CCDC60: variants seen among roughly 807,000 people sequenced by gnomAD.
CCDC60 encodes coiled-coil domain containing 60.
CCDC60 carries 54 observed loss-of-function variants against 63.5 expected under a neutral mutation model. The observed-to-expected ratio is 0.85, with a 90% CI of 0.68 to 1.07. CCDC60 has a LOEUF of 1.07. CCDC60 is among the 50% of genes least tolerant of loss of function. CCDC60 has a pLI of 0.00. For missense variants in CCDC60, 651 were observed against 684.3 expected (o/e 0.95, Z 0.54); for synonymous variants, 206 against 238.8 (o/e 0.86, Z 1.27).
chr12:119,450,624 C>T (rs868114736), intron 2 of CCDC60, among the ~76,000 whole-genome samples: 2 of 152,072 alleles, frequency 1.3e-5, no homozygotes, highest in African/African-American at 4.8e-5. Flanking sequence ...TTTGGGAGGC[C>T]GAGGTGGGCG....
At chr12:119,350,783 T>C (rs1287856117) in intron 1 of CCDC60, among the ~76,000 whole-genome samples, 1 of 152,162 alleles carries the variant, frequency 6.6e-6, no homozygotes, top group Non-Finnish European at 1.5e-5. Flanking sequence ...TTTTCAGAAG[T>C]CCACCCCATT....
intron 7 of CCDC60, among the ~76,000 whole-genome samples, chr12:119,515,703 G>C (rs998548209): frequency 6.6e-6 from 1 of 152,198 alleles, no homozygotes; most frequent in African/African-American, 2.4e-5. Context: ...GGGAGCTAGA[G>C]AGCAGTCGCC....
intron 1 of CCDC60, among the ~76,000 whole-genome samples, chr12:119,400,652 C>T (rs1430181691): frequency 6.6e-6 from 1 of 152,218 alleles, no homozygotes; most frequent in Non-Finnish European, 1.5e-5. Context: ...AGTGGAGATT[C>T]CTTGGTCCAC....
intron 1 of CCDC60, among the ~76,000 whole-genome samples, chr12:119,355,380 C>G (rs79383809): frequency 2.0e-4 from 31 of 152,344 alleles, no homozygotes; most frequent in African/African-American, 6.3e-4. Context: ...TAACTCTGTG[C>G]GGTTCCACAG....
chr12:119,378,316 G>A (rs986010385), intron 1 of CCDC60, among the ~76,000 whole-genome samples: 1 of 152,100 alleles, frequency 6.6e-6, no homozygotes, highest in Non-Finnish European at 1.5e-5. Flanking sequence ...GCATTCACCC[G>A]TGCAAGCTTC....
intron 1 of CCDC60, among the ~76,000 whole-genome samples, chr12:119,396,341 T>C (rs1956254374): frequency 6.6e-6 from 1 of 152,170 alleles, no homozygotes; most frequent in African/African-American, 2.4e-5. Context: ...ACATATAAGG[T>C]CCCATTCTGG....
At chr12:119,502,644 A>C (rs1951883617) in intron 6 of CCDC60, among the ~76,000 whole-genome samples, 1 of 152,204 alleles carries the variant, frequency 6.6e-6, no homozygotes, top group African/African-American at 2.4e-5. Context: ...ATTTTAATTA[A>C]TGGCAACTTT....
intron 6 of CCDC60, among the ~76,000 whole-genome samples, 197 bp from the exon 7 acceptor site, chr12:119,504,872 G>A (rs771588281): frequency 1.3e-5 from 2 of 152,018 alleles, no homozygotes; most frequent in African/African-American, 2.4e-5. Flanking sequence ...ACATTATCTC[G>A]ATTTGTGACA....
intron 5 of CCDC60, 31 bp downstream of exon 5, chr12:119,488,897 C>T: frequency 6.5e-7 from 1 of 1,546,042 alleles, no homozygotes; most frequent in Non-Finnish European, 8.9e-7. Context: ...TTGTCTTAGA[C>T]TAGCAGTAGG....
chr12:119,475,729 C>G lies in CCDC60; in HGVS notation c.342-3365C>G, dbSNP rs549252494. ...CCTGTACCTCTCTGAGTCTCCTTTT[C>G]TTCACGTACATAAATAAATGGTACC... On this transcript the variant is annotated intron_variant, in intron 3 of 13. Transcript: ENST00000327554. 1.2e-4 allele frequency among the ~76,000 whole-genome samples: 19 copies of G among 152,258 alleles called. No homozygotes were observed. The East Asian group carries it at 3.7e-3, about 29-fold the overall frequency.
intron 7 of CCDC60, among the ~76,000 whole-genome samples, chr12:119,510,449 C>T (rs1214000174): frequency 6.6e-6 from 1 of 152,156 alleles, no homozygotes; most frequent in African/African-American, 2.4e-5. Flanking sequence ...TCTGTGAAGC[C>T]TTCTCTGATT....
chr12:119,377,951 G>A lies in CCDC60; in HGVS notation c.90+42685G>A, dbSNP rs183098477. Among the ~76,000 whole-genome samples the A allele has an allele frequency of 6.6e-5, 10 of 152,330 alleles. No individual in the cohort carries two copies. In the East Asian group the frequency reaches 1.7e-3, roughly 26 times the overall value. On this transcript the variant is annotated intron_variant, in intron 1 of 13. Coordinates refer to ENST00000327554, the MANE Select transcript of CCDC60 (RefSeq NM_178499.5). ...GTTTAAGAGCAGAGGTTTCATAGGC[G>A]AAAGAAAGAGAAAAGAGAATAGCTC...
chr12:119,365,842 G>A (rs922287943), intron 1 of CCDC60, among the ~76,000 whole-genome samples: 13 of 152,164 alleles, frequency 8.5e-5, no homozygotes, highest in African/African-American at 1.9e-4. Context: ...AGACACACAG[G>A]CAGGTGCCTA....
At chr12:119,381,563 A>T (rs1457631097) in intron 1 of CCDC60, among the ~76,000 whole-genome samples, 1 of 152,164 alleles carries the variant, frequency 6.6e-6, no homozygotes, top group African/African-American at 2.4e-5. Context: ...TGATACTCAG[A>T]CTCAGTGGTA....
At chr12:119,500,660 C>A (rs1211009182) in intron 6 of CCDC60, among the ~76,000 whole-genome samples, 1 of 151,616 alleles carries the variant, frequency 6.6e-6, no homozygotes, top group African/African-American at 2.4e-5. Flanking sequence ...TTGAGACGAG[C>A]CTGGGCAACA....
intron 2 of CCDC60, chr12:119,429,605 C>T (rs1956960891): frequency 6.6e-6 from 1 of 152,398 alleles, no homozygotes; most frequent in East Asian, 1.9e-4. Context: ...GAGACACCCT[C>T]TCCCTTCACC....
chr12:119,498,781 C>G (rs1047350637), intron 5 of CCDC60, among the ~76,000 whole-genome samples: 1 of 152,172 alleles, frequency 6.6e-6, no homozygotes, highest in Admixed American at 6.5e-5. Context: ...TATATATGGA[C>G]AGAGAGATTG....
Position 119,516,448 on chromosome 12 carries a change from T to G in CCDC60, c.884-175T>G, listed in dbSNP as rs190525043. Among the ~76,000 whole-genome samples the G allele has an allele frequency of 7.9e-5, 12 of 152,276 alleles. No homozygotes were observed. In the East Asian group the frequency reaches 2.1e-3, roughly 27 times the overall value. ...AAGCAGGGGCGTGGCATGGTCAGATTTGCAACATGCCCAACACTATCAGCC... is the reference window on the plus strand; with the variant it reads ...AAGCAGGGGCGTGGCATGGTCAGATGTGCAACATGCCCAACACTATCAGCC... On this transcript the variant is annotated intron_variant, in intron 7 of 13. Transcript: ENST00000327554.
chr12:119,479,504 C>T (rs899127565), intron 4 of CCDC60: 3 of 315,774 alleles, frequency 9.5e-6, no homozygotes, highest in East Asian at 7.8e-5. Flanking sequence ...CGAGTGTGTG[C>T]GAGAACATCT....
Sources: allele counts gnomAD v4.1 joint callset (sites outside exome capture counted in the v4.1 genomes callset), GRCh38; gene constraint gnomAD v4.1.1; transcripts MANE v1.5; gene names NCBI Gene and HGNC (gene_info 2026-07-23, HGNC 2026-07-21).